The following CAST variants were observed in gnomAD, a reference collection of about 807,000 sequenced individuals.
CAST encodes MIR583 host.
Under a neutral mutation model 119.6 loss-of-function variants are expected in CAST, and 76 were observed. That is an observed-to-expected ratio of 0.64 (90% CI 0.53 to 0.77). The LOEUF (loss-of-function observed/expected upper bound fraction) is 0.77. CAST is among the 30% of genes least tolerant of loss of function. CAST has a pLI of 0.00. For synonymous variants in CAST, 319 were observed against 331.6 expected (o/e 0.96, Z 0.41); for missense variants, 953 against 946.5 (o/e 1.01, Z -0.09).
the CAST span, among the ~76,000 whole-genome samples, chr5:96,454,172 A>C: frequency 4.6e-5 from 7 of 152,196 alleles, no homozygotes; most frequent in African/African-American, 9.7e-5. Flanking sequence ...ACTAGCTCCA[A>C]ATTAATGAAC....
At chr5:96,743,843 C>A (rs530710524) in intron 16 of CAST, 1 of 853,718 alleles carries the variant, frequency 1.2e-6, no homozygotes, top group Middle Eastern at 2.5e-4. Flanking sequence ...TTGAGGAAAG[C>A]GGGGTGTTGG....
the CAST span, among the ~76,000 whole-genome samples, chr5:96,103,470 G>T: frequency 7.7e-4 from 115 of 150,252 alleles, no homozygotes; most frequent in African/African-American, 2.2e-3. Context: ...TTGTTCTTGC[G>T]ATAGTTTACT....
the CAST span, among the ~76,000 whole-genome samples, chr5:96,484,131 C>T: frequency 4.4e-4 from 67 of 152,116 alleles, no homozygotes; most frequent in Non-Finnish European, 8.5e-4. Context: ...ATTTTGAGGA[C>T]TCCTGCCAGC....
At chr5:96,358,853 G>A in the CAST span, among the ~76,000 whole-genome samples, 2 of 152,116 alleles carry the variant, frequency 1.3e-5, no homozygotes, top group South Asian at 2.1e-4. Context: ...AGGTCTACTT[G>A]GTCTGGAGAT....
chr5:96,641,668 T>C (rs938537489), intron 1 of CAST, among the ~76,000 whole-genome samples: 1 of 152,170 alleles, frequency 6.6e-6, no homozygotes, highest in African/African-American at 2.4e-5. Flanking sequence ...TCCTGAAACA[T>C]GCCTGGCTCT....
At chr5:96,736,113 A>G in intron 9 of CAST, 59 bp from the exon 10 acceptor site, 1 of 999,800 alleles carries the variant, frequency 1.0e-6, no homozygotes, top group East Asian at 2.5e-5. Context: ...TAAAATTTGT[A>G]ATAGTATTGA....
At chr5:96,235,795 C>T in the CAST span, among the ~76,000 whole-genome samples, 1 of 152,126 alleles carries the variant, frequency 6.6e-6, no homozygotes, top group African/African-American at 2.4e-5. Context: ...CTCTGAAAAT[C>T]CTTCTGTTTT....
At chr5:96,314,900 A>G in the CAST span, among the ~76,000 whole-genome samples, 1 of 152,246 alleles carries the variant, frequency 6.6e-6, no homozygotes, top group Admixed American at 6.5e-5. Context: ...GCTACATTTA[A>G]ATGCAGAGGT....
At chr5:96,540,265 T>C (rs893107130) in intron 1 of CAST, among the ~76,000 whole-genome samples, 7 of 152,146 alleles carry the variant, frequency 4.6e-5, no homozygotes. Context: ...TTTTCATTTA[T>C]TTTTATAACC....
the CAST span, among the ~76,000 whole-genome samples, chr5:96,173,963 C>T: frequency 6.6e-6 from 1 of 152,038 alleles, no homozygotes; most frequent in South Asian, 2.1e-4. Flanking sequence ...AGGATGGTCT[C>T]GATCACCTGA....
At chr5:96,424,173 C>G in the CAST span, among the ~76,000 whole-genome samples, 2 of 152,184 alleles carry the variant, frequency 1.3e-5, no homozygotes, top group Admixed American at 1.3e-4. Flanking sequence ...GCCAGGTACC[C>G]GGTGAAAGGG....
chr5:96,432,967 T>C, the CAST span: 45 of 1,614,020 alleles, frequency 2.8e-5, no homozygotes, highest in Non-Finnish European at 3.6e-5. Flanking sequence ...CTTTTCGCTT[T>C]TGCACTGTTC....
At position 96,530,785 on chromosome 5, in the gene CAST, C is replaced by T. The variant is rs149981782; in HGVS notation, c.60+905C>T. 1.8e-4 allele frequency among the ~76,000 whole-genome samples: 28 copies of T among 152,136 alleles called. No homozygotes were observed. In the East Asian group the frequency reaches 5.2e-3, roughly 28 times the overall value. ...ATACCAAGACTCTAGCAAAAAATAG[C>T]AACTTTTTTTAAAAATTTTCTCTTG... On this transcript the variant is annotated intron_variant, in intron 1 of 11. Transcript: ENST00000505143.
At position 96,729,658 on chromosome 5, in the gene CAST, C is replaced by T; in HGVS notation, c.482C>T (p.Ala161Val). Reference protein sequence around the residue: ...KQASDTGSNDAHNKKAVSRSA... With the variant: ...KQASDTGSNDVHNKKAVSRSA... ...GCATCAGATACAGGAAGTAACGATGCTCACAATAAAAAAGCAGTTTCCAGA... is the reference window on the plus strand; with the variant it reads ...GCATCAGATACAGGAAGTAACGATGTTCACAATAAAAAAGCAGTTTCCAGA... The change falls in exon 8 of 32, where the codon GCT becomes GTT. Residue 161 changes from alanine to valine, a missense_variant. Ala to Val is a moderately conservative substitution (Grantham distance 64). Coordinates refer to ENST00000675179, the MANE Select transcript of CAST (RefSeq NM_001750.7). 6.2e-7 allele frequency: 1 copy of T among 1,604,686 alleles called. No homozygotes were observed. Among genetic ancestry groups the T allele is most frequent in the Non-Finnish European group, 8.5e-7 (1 of 1,171,496 alleles).
At chr5:96,416,821 T>C in the CAST span, among the ~76,000 whole-genome samples, 8 of 152,238 alleles carry the variant, frequency 5.3e-5, no homozygotes, top group African/African-American at 1.7e-4. Flanking sequence ...GGGTAATTTA[T>C]GATTTCAGAG....
the CAST span, chr5:96,391,095 T>C: frequency 1.3e-5 from 2 of 152,252 alleles, no homozygotes; most frequent in African/African-American, 4.8e-5. Context: ...TGCTCCAATA[T>C]TGGAAATTCT....
At chr5:96,234,877 A>G in the CAST span, among the ~76,000 whole-genome samples, 1 of 152,088 alleles carries the variant, frequency 6.6e-6, no homozygotes, top group Non-Finnish European at 1.5e-5. Context: ...TACATAAAAT[A>G]AATTACATAT....
chr5:96,691,534 G>T lies in CAST; in HGVS notation c.139-4302G>T, dbSNP rs151218619. Among the ~76,000 whole-genome samples the T allele has an allele frequency of 3.7e-3, 567 of 152,328 alleles. 3 individuals carry two copies. Among genetic ancestry groups the T allele is most frequent in the African/African-American group, 0.013 (538 of 41,588 alleles). On this transcript the variant is annotated intron_variant, in intron 2 of 31. Coordinates refer to ENST00000675179, the MANE Select transcript of CAST (RefSeq NM_001750.7). Reference sequence around the variant, plus strand: ...ATGTGTACCAACCAGACCCACTGGGGTTGCCCTGCAGAGGTCAGTCTGTTC... The same window carrying T: ...ATGTGTACCAACCAGACCCACTGGGTTTGCCCTGCAGAGGTCAGTCTGTTC...
intron 1 of CAST, among the ~76,000 whole-genome samples, chr5:96,615,729 T>A (rs1271773844): frequency 6.6e-6 from 1 of 151,980 alleles, no homozygotes; most frequent in African/African-American, 2.4e-5. Flanking sequence ...GAAAGAGGGG[T>A]CCCGAGAACA....
Sources: allele counts gnomAD v4.1 joint callset (sites outside exome capture counted in the v4.1 genomes callset), GRCh38; gene constraint gnomAD v4.1.1; transcripts MANE v1.5; gene names NCBI Gene and HGNC (gene_info 2026-07-23, HGNC 2026-07-21).